The following PTPRO variants were observed in gnomAD, a reference collection of about 807,000 sequenced individuals.
PTPRO encodes the protein protein tyrosine phosphatase receptor type O.
A neutral mutation model predicts 145.2 loss-of-function variants in PTPRO; 62 were observed. The ratio of observed to expected loss-of-function variants is 0.43; its 90% CI spans 0.35 to 0.53. PTPRO has a LOEUF of 0.53. Ranked by LOEUF, PTPRO falls within the 20% of genes least tolerant of loss-of-function variation. PTPRO has a pLI of 0.01. For synonymous variants in PTPRO, 565 were observed against 514.7 expected, an observed-to-expected ratio of 1.10 and a Z score of -1.32; for missense variants, 1,345 against 1,482.7, an observed-to-expected ratio of 0.91 and a Z score of 1.53.
chr12:15,449,039 G>C (rs912506455), intron 1 of PTPRO, among the ~76,000 whole-genome samples: 1 of 150,846 alleles, frequency 6.6e-6, no homozygotes, highest in South Asian at 2.1e-4. Context: ...AGCAACAAAC[G>C]ATTCGCAAAT....
chr12:15,470,319 G>C (rs1332584441), intron 1 of PTPRO, among the ~76,000 whole-genome samples: 2 of 152,210 alleles, frequency 1.3e-5, no homozygotes, highest in Non-Finnish European at 2.9e-5. Flanking sequence ...GTAGCCTTGA[G>C]AAATCCATTT....
intron 1 of PTPRO, among the ~76,000 whole-genome samples, chr12:15,370,051 CA>C (rs35651319): frequency 0.38 from 58,207 of 151,638 alleles, 13,577 homozygotes; most frequent in African/African-American, 0.67. Flanking sequence ...GACTCCATCT[CA>C]AAAAAAATTT....
intron 1 of PTPRO, among the ~76,000 whole-genome samples, chr12:15,402,029 C>A (rs1303864311): frequency 6.6e-6 from 1 of 152,104 alleles, no homozygotes; most frequent in Non-Finnish European, 1.5e-5. Flanking sequence ...CTAAATTCTG[C>A]TTTAATGTAG....
chr12:15,525,142 G>C (rs889423709), intron 11 of PTPRO, among the ~76,000 whole-genome samples, 177 bp downstream of exon 11: 1 of 152,106 alleles, frequency 6.6e-6, no homozygotes, highest in African/African-American at 2.4e-5. Context: ...AGAGCTTACC[G>C]TTTAATCTTT....
intron 1 of PTPRO, among the ~76,000 whole-genome samples, chr12:15,396,373 G>A (rs997648249): frequency 2.0e-5 from 3 of 151,828 alleles, no homozygotes; most frequent in Non-Finnish European, 4.4e-5. Flanking sequence ...TAATTATTAG[G>A]CATGTATCAT....
At chr12:15,420,943 A>C (rs547920117) in intron 1 of PTPRO, among the ~76,000 whole-genome samples, 23 of 152,338 alleles carry the variant, frequency 1.5e-4, no homozygotes, top group African/African-American at 3.4e-4. Context: ...GCTGCTGCTG[A>C]TGATGTACTT....
At position 15,404,918 on chromosome 12, in the gene PTPRO, C is replaced by T. The variant is rs116900178; in HGVS notation, c.76-79056C>T. Reference sequence around the variant, plus strand: ...GGAAAGTCCAAGATCAAGGTGCTGGCCAGTTTGGTTCTTGGTGAGGGCTGT... The same window carrying T: ...GGAAAGTCCAAGATCAAGGTGCTGGTCAGTTTGGTTCTTGGTGAGGGCTGT... On this transcript the variant is annotated intron_variant, in intron 1 of 26. Coordinates refer to ENST00000281171, the MANE Select transcript of PTPRO (RefSeq NM_030667.3). Among the ~76,000 whole-genome samples the T allele has an allele frequency of 8.4e-3, 1,271 of 152,174 alleles. 8 individuals carry two copies. Among genetic ancestry groups the T allele is most frequent in the Non-Finnish European group, 0.013 (857 of 68,000 alleles).
At chr12:15,477,665 T>A (rs1444296728) in intron 1 of PTPRO, among the ~76,000 whole-genome samples, 1 of 151,714 alleles carries the variant, frequency 6.6e-6, no homozygotes, top group Non-Finnish European at 1.5e-5. Flanking sequence ...AGAGCGTGAG[T>A]CGGGACAAAG....
rs2302688 is a variant in PTPRO, at chr12:15,520,169, C to T, written c.1780-32C>T. The T allele has an allele frequency of 0.17, 248,654 of 1,478,786 alleles. 21,824 individuals carry two copies. Among genetic ancestry groups the T allele is most frequent in the Non-Finnish European group, 0.18 (190,129 of 1,057,130 alleles). The allele number at this position is 1,478,786 out of a possible 1,614,324, so 91.6% of individuals were successfully genotyped here. A position where few individuals can be genotyped will look rare whatever the true frequency, so the allele number is the denominator to read the frequency against. On this transcript the variant is annotated intron_variant, in intron 9 of 26. Transcript: ENST00000281171. ...CAAAAATAGTACTTTCTCCCACAGT[C>T]TTTTGTCTCCTTGCTTGCTTTTCTC...
At chr12:15,549,351 C>A in intron 14 of PTPRO, 125 bp downstream of exon 14, 1 of 732,944 alleles carries the variant, frequency 1.4e-6, no homozygotes, top group Non-Finnish European at 1.9e-6. Flanking sequence ...AATTTCAATC[C>A]CAAAGTGCAC....
chr12:15,538,994 GC>G (rs572662652), intron 12 of PTPRO, among the ~76,000 whole-genome samples: 155 of 152,316 alleles, frequency 1.0e-3, no homozygotes, highest in Non-Finnish European at 1.5e-3. Flanking sequence ...AATAAAAGCA[GC>G]AAGATTAATG....
At chr12:15,477,592 C>T (rs1473786939) in intron 1 of PTPRO, among the ~76,000 whole-genome samples, 1 of 152,038 alleles carries the variant, frequency 6.6e-6, no homozygotes, top group Non-Finnish European at 1.5e-5. Flanking sequence ...GGATCCAACC[C>T]CACTGGGTTA....
chr12:15,556,542 A>G (rs1192946859), intron 15 of PTPRO, among the ~76,000 whole-genome samples: 1 of 151,970 alleles, frequency 6.6e-6, no homozygotes, highest in Non-Finnish European at 1.5e-5. Flanking sequence ...TGTTTTTACT[A>G]GCAGATTAAT....
chr12:15,373,394 T>C (rs747262098), intron 1 of PTPRO, among the ~76,000 whole-genome samples: 2 of 152,316 alleles, frequency 1.3e-5, no homozygotes, highest in Non-Finnish European at 2.9e-5. Flanking sequence ...AGTTTCATAC[T>C]GAAAGATTTT....
At position 15,516,829 on chromosome 12, in the gene PTPRO, C is replaced by T; in HGVS notation, c.1652C>T (p.Thr551Ile). The T allele has an allele frequency of 6.2e-7, 1 of 1,612,276 alleles. No individual in the cohort carries two copies. Among genetic ancestry groups the T allele is most frequent in the Non-Finnish European group, 8.5e-7 (1 of 1,178,310 alleles). Residue 551 changes from threonine (T) to isoleucine (I), a missense_variant, in exon 9 of 27, where the codon ACC becomes ATC. Around this residue, in one of 3 missense-constraint regions of PTPRO, gnomAD observed 1,130 missense variants for 1,214.7 expected, o/e 0.93. Coordinates refer to ENST00000281171, the MANE Select transcript of PTPRO (RefSeq NM_030667.3). The stretch of plus-strand genomic sequence containing the variant: ...CCTACGGCCGTGGTTCTGAGCTGGA[C>T]CAGACCTTATTTAGGCGTGTTCAGA... ...LGPTAVVLSW[T>I]RPYLGVFRKY...
intron 23 of PTPRO, among the ~76,000 whole-genome samples, chr12:15,585,380 G>C (rs1034608878): frequency 6.6e-6 from 1 of 152,114 alleles, no homozygotes; most frequent in African/African-American, 2.4e-5. Flanking sequence ...GAGCAGTGAG[G>C]GTAGCCAGCG....
intron 19 of PTPRO, 38 bp from the exon 20 acceptor site, chr12:15,578,815 C>G (rs368127871): frequency 6.9e-7 from 1 of 1,439,608 alleles, no homozygotes; most frequent in Non-Finnish European, 9.8e-7. Context: ...ATTCACACCA[C>G]GTATGGAACT....
At chr12:15,373,211 A>C (rs531561182) in intron 1 of PTPRO, among the ~76,000 whole-genome samples, 6 of 152,240 alleles carry the variant, frequency 3.9e-5, no homozygotes, top group Non-Finnish European at 1.5e-5. Context: ...ATATGAGATC[A>C]CCAAGTTGAT....
At chr12:15,341,783 A>G (rs533622569) in intron 1 of PTPRO, among the ~76,000 whole-genome samples, 4 of 152,234 alleles carry the variant, frequency 2.6e-5, no homozygotes, top group Non-Finnish European at 5.9e-5. Context: ...ACCTGATTAA[A>G]AACAAAACAA....
Sources: allele counts gnomAD v4.1 joint callset (sites outside exome capture counted in the v4.1 genomes callset), GRCh38; gene constraint gnomAD v4.1.1; regional missense constraint gnomAD v4.1.1; transcripts MANE v1.5; gene names NCBI Gene and HGNC (gene_info 2026-07-23, HGNC 2026-07-21).